DMP1: variants seen among roughly 807,000 people sequenced by gnomAD.
The protein encoded by DMP1 is dentin matrix protein 1.
A neutral mutation model predicts 14.6 loss-of-function variants in DMP1; 20 were observed. The observed-to-expected ratio is 1.37, with a 90% CI of 0.96 to 1.99. The LOEUF (loss-of-function observed/expected upper bound fraction) is 1.99, where lower values mean the gene tolerates loss of function less well. DMP1 is among the 30% of genes most tolerant of loss of function. The probability of loss-of-function intolerance (pLI) is 0.00; values close to 1 mark genes in which losing one functional copy is unlikely to be tolerated. For missense variants in DMP1, 567 were observed against 620.5 expected, an observed-to-expected ratio of 0.91 and a Z score of 0.92; for synonymous variants, 197 against 215.3, an observed-to-expected ratio of 0.91 and a Z score of 0.75.
intron 1 of DMP1, among the ~76,000 whole-genome samples, chr4:87,652,886 T>C (rs1233682709): frequency 6.6e-6 from 1 of 151,838 alleles, no homozygotes; most frequent in Non-Finnish European, 1.5e-5. Flanking sequence ...TTTCATTTGA[T>C]CTGTGAAACT....
Position 87,662,167 on chromosome 4 carries a change from G to A in DMP1, c.389G>A (p.Gly130Glu), listed in dbSNP as rs1728913685. The part of the protein sequence containing the change: ...GPGPKDRQEG[G>E]NSRLGSDEDS... ...GGGCCCAAAGACAGACAAGAAGGAG[G>A]AAACTCCAGACTGGGAAGTGATGAG... is the stretch of plus-strand genomic sequence containing the variant. The change falls in exon 6 of 6, where the codon GGA becomes GAA. Residue 130 changes from glycine to glutamate, a missense_variant. By Grantham distance (98) the Gly-to-Glu change is moderately conservative (BLOSUM62 -2). Coordinates refer to ENST00000339673, the MANE Select transcript of DMP1 (RefSeq NM_004407.4). 1 of 1,613,468 alleles carries A rather than the reference G, an allele frequency of 6.2e-7. No homozygotes were observed. Among genetic ancestry groups the A allele is most frequent in the Non-Finnish European group, 8.5e-7 (1 of 1,179,356 alleles).
At position 87,655,794 on chromosome 4, in the gene DMP1, C is replaced by T. The variant is rs74632443; in HGVS notation, c.-21-678C>T. 6.0e-3 allele frequency among the ~76,000 whole-genome samples: 916 copies of T among 152,146 alleles called. 8 individuals carry two copies. The highest frequency in any genetic ancestry group is 0.021 in the African/African-American group (879 of 41,512). On this transcript the variant is annotated intron_variant, in intron 1 of 5. Transcript: ENST00000339673. ...GAATACATTTGCTAGGGTGCTCTGC[C>T]ATACCAAGCTGCATAATTATTGTAA...
intron 1 of DMP1, among the ~76,000 whole-genome samples, chr4:87,653,381 C>G (rs561917857): frequency 5.8e-5 from 4 of 68,776 alleles, no homozygotes; most frequent in African/African-American, 2.0e-4. Context: ...CAGGCATTAT[C>G]GAGTGATATA....
chr4:87,654,232 A>G (rs1728621077), intron 1 of DMP1, among the ~76,000 whole-genome samples: 1 of 152,164 alleles, frequency 6.6e-6, no homozygotes, highest in Non-Finnish European at 1.5e-5. Context: ...TAATATTTTC[A>G]GGTTTTATTG....
intron 5 of DMP1, among the ~76,000 whole-genome samples, chr4:87,661,204 A>ATTTTTTTTTTT (rs70957272): frequency 1.2e-4 from 8 of 66,654 alleles, no homozygotes; most frequent in African/African-American, 1.8e-4. Context: ...CAGCCAGCTA[A>ATTTTTTTTTTT]TTTTTTTTTT....
At position 87,662,763 on chromosome 4, in the gene DMP1, G is replaced by A; in HGVS notation, c.985G>A (p.Glu329Lys). 1 of 1,613,858 alleles carries A rather than the reference G, an allele frequency of 6.2e-7. No homozygotes were observed. Among genetic ancestry groups the A allele is most frequent in the Non-Finnish European group, 8.5e-7 (1 of 1,179,850 alleles). ...EDSKENLSQE[E>K]SQNVDGPSSE... Reference sequence around the variant, plus strand: ...CAGCAAGGAGAATCTGTCCCAGGAAGAGAGCCAAAACGTAGATGGTCCCAG... The same window carrying A: ...CAGCAAGGAGAATCTGTCCCAGGAAAAGAGCCAAAACGTAGATGGTCCCAG... Residue 329 changes from glutamate (E) to lysine (K), a missense_variant, in exon 6 of 6, where the codon GAG becomes AAG. Coordinates refer to ENST00000339673, the MANE Select transcript of DMP1 (RefSeq NM_004407.4).
chr4:87,652,103 G>A (rs575618103), intron 1 of DMP1, among the ~76,000 whole-genome samples: 3 of 152,160 alleles, frequency 2.0e-5, no homozygotes, highest in African/African-American at 4.8e-5. Flanking sequence ...CTAATACACC[G>A]CCTTCCAAAT....
intron 1 of DMP1, among the ~76,000 whole-genome samples, chr4:87,654,928 C>T (rs1728643198): frequency 6.6e-6 from 1 of 152,128 alleles, no homozygotes; most frequent in African/African-American, 2.4e-5. Context: ...TTCAACCAGA[C>T]TGTTTTGGGG....
At chr4:87,661,282 G>A (rs2110015523) in intron 5 of DMP1, among the ~76,000 whole-genome samples, 1 of 137,020 alleles carries the variant, frequency 7.3e-6, no homozygotes, top group African/African-American at 2.7e-5. Context: ...GTGCAGTGGC[G>A]CAATCTCGGC....
rs765884882 is a variant in DMP1 at position 87,662,886 on chromosome 4, C to G, written c.1108C>G (p.Pro370Ala). The change falls in exon 6 of 6, where the codon CCC becomes GCC. Residue 370 changes from proline to alanine, a missense_variant. By Grantham distance (27) the Pro-to-Ala change is conservative. Coordinates refer to ENST00000339673, the MANE Select transcript of DMP1 (RefSeq NM_004407.4). ...VSESRGDNPD[P>A]TTSYVEDQED... is the part of the protein sequence containing the mutation. ...TGAGTCCAGGGGAGATAACCCCGAC[C>G]CCACAACTAGTTATGTAGAAGACCA... The G allele has an allele frequency of 6.2e-7, 1 of 1,614,146 alleles. No homozygotes were observed. The highest frequency in any genetic ancestry group is 1.3e-5 in the African/African-American group (1 of 75,030).
At position 87,662,542 on chromosome 4, in the gene DMP1, G is replaced by C; in HGVS notation, c.764G>C (p.Gly255Ala). The change falls in exon 6 of 6, where the codon GGT (glycine) becomes GCT (alanine). Residue 255 changes from glycine (G) to alanine (A), a missense_variant. Physicochemically the swap from Gly to Ala is moderately conservative, Grantham distance 60. Coordinates refer to ENST00000339673, the MANE Select transcript of DMP1 (RefSeq NM_004407.4). ...NSEQANTQDS[G>A]GSQLLEHPSR... ...GAGCAAGCAAACACTCAAGATTCAG[G>C]TGGCAGCCAATTGCTGGAGCATCCC... 3 of 1,614,150 alleles carry C rather than the reference G, an allele frequency of 1.9e-6. No individual in the cohort carries two copies. The highest frequency in any genetic ancestry group is 2.5e-6 in the Non-Finnish European group (3 of 1,180,026).
In DMP1 at chr4:87,655,405, G is replaced by A. The variant is rs145333249; in HGVS notation, c.-21-1067G>A. Among the ~76,000 whole-genome samples the A allele has an allele frequency of 2.2e-4, 34 of 152,234 alleles. No individual in the cohort carries two copies. In the East Asian group the frequency reaches 6.2e-3, roughly 28 times the overall value. Reference sequence around the variant, plus strand: ...CTCCAGAAAAATAGTTTGATTTGGCGTGTTTCTCTCAGCATGATTTACAAG... The same window carrying A: ...CTCCAGAAAAATAGTTTGATTTGGCATGTTTCTCTCAGCATGATTTACAAG... On this transcript the variant is annotated intron_variant, in intron 1 of 5. Coordinates refer to ENST00000339673, the MANE Select transcript of DMP1 (RefSeq NM_004407.4).
chr4:87,663,204 G>C lies in DMP1; in HGVS notation c.1426G>C (p.Glu476Gln). The C allele has an allele frequency of 6.2e-7, 1 of 1,614,216 alleles. No homozygotes were observed. Among genetic ancestry groups the C allele is most frequent in the Non-Finnish European group, 8.5e-7 (1 of 1,180,046 alleles). ...SNSTESKSSS[E>Q]EDGQLKNIEI... Reference sequence around the variant, plus strand: ...CTCCACGGAGAGCAAATCAAGCAGTGAGGAAGATGGCCAGTTGAAAAACAT... The same window carrying C: ...CTCCACGGAGAGCAAATCAAGCAGTCAGGAAGATGGCCAGTTGAAAAACAT... Residue 476 changes from glutamate to glutamine, a missense_variant, in exon 6 of 6, where the codon GAG becomes CAG. Coordinates refer to ENST00000339673, the MANE Select transcript of DMP1 (RefSeq NM_004407.4).
chr4:87,654,886 G>A (rs1174538043), intron 1 of DMP1, among the ~76,000 whole-genome samples: 2 of 152,208 alleles, frequency 1.3e-5, no homozygotes, highest in African/African-American at 4.8e-5. Flanking sequence ...ACTTATGAAG[G>A]TAAGCTGTTA....
In DMP1 at chr4:87,659,221, G is replaced by T; in HGVS notation, c.104G>T (p.Gly35Val). The T allele has an allele frequency of 6.2e-7, 1 of 1,613,756 alleles. No individual in the cohort carries two copies. The highest frequency in any genetic ancestry group is 8.5e-7 in the Non-Finnish European group (1 of 1,179,890). ...TTTCCTTCCTTTCCTTTTTTGCAGG[G>T]TCATTTGGCTCAGGCACCAACACCA... ...NESEDSEEWK[G>V]HLAQAPTPPL... The change falls in exon 4 of 6, where the codon GGT becomes GTT. Residue 35 changes from glycine to valine, a missense_variant and splice_region_variant. Transcript: ENST00000339673.
chr4:87,663,499 T>G lies in DMP1; in HGVS notation c.*179T>G. On this transcript the variant is annotated 3_prime_UTR_variant, in exon 6 of 6. Transcript: ENST00000339673. Reference sequence around the variant, plus strand: ...TAGGGTGTCATCATTTCACAGAGGTTTAAATACTGTGGAGTGACACCAGAA... The same window carrying G: ...TAGGGTGTCATCATTTCACAGAGGTGTAAATACTGTGGAGTGACACCAGAA... 1 of 875,682 alleles carries G rather than the reference T, an allele frequency of 1.1e-6. No homozygotes were observed. Among genetic ancestry groups the G allele is most frequent in the Non-Finnish European group, 1.8e-6 (1 of 566,074 alleles). 54.2% of individuals were successfully genotyped at this position (875,682 alleles called of 1,614,324 possible). A position where few individuals can be genotyped will look rare whatever the true frequency, so the allele number is the denominator to read the frequency against.
chr4:87,660,912 A>G (rs1392588713), intron 5 of DMP1: 1 of 152,374 alleles, frequency 6.6e-6, no homozygotes, highest in East Asian at 1.9e-4. Context: ...TCCAGAAGAA[A>G]AAAAATTGGG....
In DMP1 at chr4:87,656,441, T is replaced by C. The variant is rs1728696411; in HGVS notation, c.-21-31T>C. On this transcript the variant is annotated intron_variant, in intron 1 of 5. Coordinates refer to ENST00000339673, the MANE Select transcript of DMP1 (RefSeq NM_004407.4). ...TTGAAACTACTTTATTCCTTTAACA[T>C]GGAGAGAAACATCTATGTCCTTCAT... The C allele has an allele frequency of 3.2e-6, 4 of 1,267,398 alleles. No individual in the cohort carries two copies. The Admixed American group carries it at 5.0e-5, about 16-fold the overall frequency. 78.5% of individuals were successfully genotyped at this position (1,267,398 alleles called of 1,614,324 possible).
In DMP1 at chr4:87,663,430, C is replaced by T; in HGVS notation, c.*110C>T. On this transcript the variant is annotated 3_prime_UTR_variant, in exon 6 of 6. Coordinates refer to ENST00000339673, the MANE Select transcript of DMP1 (RefSeq NM_004407.4). ...TTTTGATCAAAAGAATAACCAGATG[C>T]CATATTTTTCCTGAAAGGAATTGCT... 6.6e-7 allele frequency: 1 copy of T among 1,523,730 alleles called. No homozygotes were observed. The highest frequency in any genetic ancestry group is 2.3e-5 in the East Asian group (1 of 44,262). 94.4% of individuals were successfully genotyped at this position (1,523,730 alleles called of 1,614,324 possible). A position where few individuals can be genotyped will look rare whatever the true frequency, so the allele number is the denominator to read the frequency against.
Sources: gnomAD v4.1 joint callset for allele counts (sites outside exome capture counted in the v4.1 genomes callset) on GRCh38, gnomAD v4.1.1 for gene constraint, MANE v1.5 for transcripts, NCBI Gene and HGNC (gene_info 2026-07-23, HGNC 2026-07-21) for gene names.